Variants in PANK1 observed in about 807,000 individuals in gnomAD.
The protein encoded by PANK1 is pantothenate kinase 1, also known as pantothenic acid kinase 1.
PANK1 carries 18 observed loss-of-function variants against 40.1 expected under a neutral mutation model. The ratio of observed to expected loss-of-function variants is 0.45; its 90% CI spans 0.31 to 0.67. The LOEUF (loss-of-function observed/expected upper bound fraction) is 0.67. Among genes scored for constraint, PANK1 ranks in the 30% least tolerant of loss-of-function variants. The probability of loss-of-function intolerance (pLI) is 0.06; values close to 1 mark genes in which losing one functional copy is unlikely to be tolerated. For synonymous variants in PANK1, 242 were observed against 237.7 expected (o/e 1.02, Z -0.17); for missense variants, 457 against 599.6 (o/e 0.76, Z 2.48).
In PANK1 at chr10:89,584,450, C is replaced by T. The variant is rs754606046; in HGVS notation, c.1342G>A (p.Val448Ile). 1.6e-5 allele frequency: 26 copies of T among 1,607,134 alleles called. No homozygotes were observed. The highest frequency in any genetic ancestry group is 1.1e-4 in the South Asian group (10 of 90,884). ...TTGAACAGTTCCAACAGTGCCCCAACGGCTCCAAAATAACCCTACGAAAAC... is the reference window on the plus strand; with the variant it reads ...TTGAACAGTTCCAACAGTGCCCCAATGGCTCCAAAATAACCCTACGAAAAC... Reference protein sequence around the residue: ...FLEHEGYFGAVGALLELFKMT... With the variant: ...FLEHEGYFGAIGALLELFKMT... The change falls in exon 7 of 7, where the codon GTT becomes ATT. Residue 448 changes from valine (V) to isoleucine (I), a missense_variant. Transcript: ENST00000307534.
chr10:89,602,546 T>C (rs1025296871), intron 2 of PANK1, among the ~76,000 whole-genome samples: 2 of 152,216 alleles, frequency 1.3e-5, no homozygotes, highest in African/African-American at 4.8e-5. Flanking sequence ...TCAGGACAAG[T>C]TGGGAATTAA....
chr10:89,644,545 G>C, intron 1 of PANK1, 55 bp downstream of exon 1: 1 of 1,498,814 alleles, frequency 6.7e-7, no homozygotes, highest in African/African-American at 1.4e-5. Context: ...CCCAGTCCCG[G>C]GCCCCGCACG....
intron 1 of PANK1, among the ~76,000 whole-genome samples, chr10:89,623,399 T>C (rs768388495): frequency 1.3e-5 from 2 of 152,026 alleles, no homozygotes; most frequent in Admixed American, 1.3e-4. Context: ...TTTTTTTTTG[T>C]ATTTTTAGTG....
intron 1 of PANK1, among the ~76,000 whole-genome samples, chr10:89,633,887 C>T (rs1003658657): frequency 6.6e-6 from 1 of 152,168 alleles, no homozygotes; most frequent in Admixed American, 6.5e-5. Flanking sequence ...TCCAATCTTG[C>T]TTAAATACTT....
In PANK1 at chr10:89,637,149, C is replaced by T. The variant is rs189631112; in HGVS notation, c.292+7451G>A. ...CTGGGATTACAGGCGTCAGCCACCG[C>T]ACCCGGCCCACCTGAGCACCGTTGA... On this transcript the variant is annotated intron_variant, in intron 1 of 6. Transcript: ENST00000307534. Among the ~76,000 whole-genome samples, 31 of 152,154 alleles carry T rather than the reference C, an allele frequency of 2.0e-4. No homozygotes were observed. The East Asian group carries it at 4.3e-3, about 21-fold the overall frequency.
At position 89,610,444 on chromosome 10, in the gene PANK1, T is replaced by C. The variant is rs1366933393; in HGVS notation, c.645+1252A>G. Among the ~76,000 whole-genome samples, 4 of 146,238 alleles carry C rather than the reference T, an allele frequency of 2.7e-5. No homozygotes were observed. In the East Asian group the frequency reaches 8.1e-4, roughly 30 times the overall value. ...TGGCAAGTCAAACTCTACTGCTGGG[T>C]AATAGGAGGGGACATAGAAGAAAAA... On this transcript the variant is annotated intron_variant, in intron 2 of 6. Coordinates refer to ENST00000307534, the MANE Select transcript of PANK1 (RefSeq NM_148977.3).
rs972504562 is a variant in PANK1, at chr10:89,615,084, G to T, written c.293-3036C>A. ...GGCAGAATGAGCAGGTTGTATAGTT[G>T]GTGGCTAGAGATCCAGGAAAAGGGA... is the stretch of plus-strand genomic sequence containing the variant. On this transcript the variant is annotated intron_variant, in intron 1 of 6. Coordinates refer to ENST00000307534, the MANE Select transcript of PANK1 (RefSeq NM_148977.3). Among the ~76,000 whole-genome samples, 5 of 152,100 alleles carry T rather than the reference G, an allele frequency of 3.3e-5. No homozygotes were observed. In the East Asian group the frequency reaches 9.6e-4, roughly 29 times the overall value.
intron 1 of PANK1, among the ~76,000 whole-genome samples, chr10:89,618,543 C>A (rs1845387291): frequency 6.6e-6 from 1 of 152,170 alleles, no homozygotes; most frequent in African/African-American, 2.4e-5. Context: ...GAGAGTGAGA[C>A]AAATATCCGG....
chr10:89,586,172 C>T (rs1459081539), intron 6 of PANK1, among the ~76,000 whole-genome samples: 3 of 152,068 alleles, frequency 2.0e-5, no homozygotes, highest in Non-Finnish European at 4.4e-5. Flanking sequence ...CTGCATTAGG[C>T]CAAGAAGATC....
chr10:89,593,297 TC>T lies in PANK1; in HGVS notation c.1099del (p.Glu367LysfsTer32). 1 of 1,613,810 alleles carries T rather than the reference TC, an allele frequency of 6.2e-7. No individual in the cohort carries two copies. Among genetic ancestry groups the T allele is most frequent in the Non-Finnish European group, 8.5e-7 (1 of 1,179,760 alleles). ...ASSFGNMMSK[E>X]KRDSISKEDL... ...TTCCTTGCTGATGGAATCTCGCTTT[TC>T]TTTACTCATCATGTTGCCAAAGCTA... On this transcript the variant is annotated frameshift_variant, in exon 5 of 7. Coordinates refer to ENST00000307534, the MANE Select transcript of PANK1 (RefSeq NM_148977.3). LOFTEE classifies it high-confidence loss of function.
intron 3 of PANK1, among the ~76,000 whole-genome samples, chr10:89,595,530 T>C (rs1844534818): frequency 6.7e-6 from 1 of 150,202 alleles, no homozygotes; most frequent in Non-Finnish European, 1.5e-5. Context: ...AAAAGTATAC[T>C]TGATTGAGGC....
chr10:89,609,128 G>A (rs1042227510), intron 2 of PANK1, among the ~76,000 whole-genome samples: 2 of 152,152 alleles, frequency 1.3e-5, no homozygotes, highest in Non-Finnish European at 2.9e-5. Flanking sequence ...GCAATGGCAC[G>A]ATCTCGGCTC....
intron 1 of PANK1, among the ~76,000 whole-genome samples, chr10:89,642,802 G>C (rs1842004640): frequency 6.6e-6 from 1 of 152,186 alleles, no homozygotes; most frequent in African/African-American, 2.4e-5. Context: ...GTTCAAATCT[G>C]AGAGAAGAAA....
chr10:89,639,860 A>T (rs1841922972), intron 1 of PANK1, among the ~76,000 whole-genome samples: 1 of 152,258 alleles, frequency 6.6e-6, no homozygotes, highest in Non-Finnish European at 1.5e-5. Context: ...GCACATAGTA[A>T]GTGCTCCTCA....
intron 1 of PANK1, among the ~76,000 whole-genome samples, chr10:89,642,635 C>T (rs1277186624): frequency 1.3e-5 from 2 of 152,178 alleles, no homozygotes; most frequent in African/African-American, 4.8e-5. Context: ...AACTAAATAT[C>T]AACTGATTGG....
At chr10:89,595,176 C>T (rs1054227273) in intron 3 of PANK1, among the ~76,000 whole-genome samples, 3 of 152,182 alleles carry the variant, frequency 2.0e-5, no homozygotes, top group Non-Finnish European at 4.4e-5. Flanking sequence ...ACTGACCGGG[C>T]GTGGTGGCTC....
intron 3 of PANK1, among the ~76,000 whole-genome samples, chr10:89,595,827 AAAAAAAATATATATATATATAT>A (rs1194088224): frequency 9.8e-5 from 7 of 71,378 alleles, no homozygotes; most frequent in African/African-American, 4.2e-4. Flanking sequence ...AAAAAAAAAA[AAAAAAAATATATATATATATAT>A]ATATATATAT....
At chr10:89,592,613 T>C in intron 5 of PANK1, 1 of 453,340 alleles carries the variant, frequency 2.2e-6, no homozygotes, top group Admixed American at 2.4e-5. Flanking sequence ...ATACACCTTG[T>C]ATTTCAGAAA....
chr10:89,599,653 A>C (rs1844716019), intron 2 of PANK1, 148 bp from the exon 3 acceptor site: 1 of 762,682 alleles, frequency 1.3e-6, no homozygotes. Flanking sequence ...GCAGATAATC[A>C]GCCACTGCAC....
Sources: gnomAD v4.1 joint callset for allele counts (sites outside exome capture counted in the v4.1 genomes callset) on GRCh38, gnomAD v4.1.1 for gene constraint, MANE v1.5 for transcripts, NCBI Gene and HGNC (gene_info 2026-07-23, HGNC 2026-07-21) for gene names.